Variants in NRXN3 observed in about 807,000 individuals in gnomAD.
The protein encoded by NRXN3 is neurexin 3.
Under a neutral mutation model 137.6 loss-of-function variants are expected in NRXN3, and 32 were observed. The observed-to-expected ratio is 0.23, with a 90% confidence interval of 0.18 to 0.31. The LOEUF is 0.31. Among genes scored for constraint, NRXN3 ranks in the 10% least tolerant of loss-of-function variants. The pLI, the probability that NRXN3 is intolerant of heterozygous loss-of-function variation, is 1.00. For missense variants in NRXN3, 1,574 were observed against 2,062.5 expected (o/e 0.76, Z 4.59); for synonymous variants, 798 against 784.5 (o/e 1.02, Z -0.29).
chr14:79,844,280 T>C (rs2141530115), intron 20 of NRXN3, among the ~76,000 whole-genome samples: 1 of 151,220 alleles, frequency 6.6e-6, no homozygotes, highest in East Asian at 1.9e-4. Flanking sequence ...TTAAACTTCC[T>C]CCCACCTCCT....
chr14:79,316,226 A>G (rs2088635029), intron 15 of NRXN3, among the ~76,000 whole-genome samples: 1 of 152,238 alleles, frequency 6.6e-6, no homozygotes, highest in South Asian at 2.1e-4. Context: ...GCTTGTTTCC[A>G]ACACCTTGTA....
intron 10 of NRXN3, among the ~76,000 whole-genome samples, chr14:78,926,598 T>TCA (rs1555585277): frequency 8.8e-6 from 1 of 113,850 alleles, no homozygotes; most frequent in Non-Finnish European, 1.7e-5. Flanking sequence ...AAATACAAAA[T>TCA]TATATATATA....
At chr14:79,050,195 T>G (rs190610635) in intron 15 of NRXN3, among the ~76,000 whole-genome samples, 2 of 152,220 alleles carry the variant, frequency 1.3e-5, no homozygotes, top group Admixed American at 6.5e-5. Flanking sequence ...TCCTGAGATA[T>G]CTCATGTAGA....
At chr14:79,115,641 G>T (rs563736648) in intron 15 of NRXN3, among the ~76,000 whole-genome samples, 1 of 152,156 alleles carries the variant, frequency 6.6e-6, no homozygotes, top group Non-Finnish European at 1.5e-5. Context: ...TATTCCAAGT[G>T]AAAGTAAATG....
chr14:79,813,604 CT>C (rs898864914), intron 20 of NRXN3, among the ~76,000 whole-genome samples: 8 of 152,156 alleles, frequency 5.3e-5, no homozygotes, highest in Admixed American at 1.3e-4. Flanking sequence ...AATTCCTCCC[CT>C]TTCAGCATAT....
chr14:78,438,023 T>C (rs1388950463), intron 4 of NRXN3, among the ~76,000 whole-genome samples: 1 of 151,518 alleles, frequency 6.6e-6, no homozygotes, highest in Non-Finnish European at 1.5e-5. Context: ...AGATGTGGGG[T>C]GTGGTGATGG....
intron 4 of NRXN3, among the ~76,000 whole-genome samples, chr14:78,593,238 C>A (rs1281457197): frequency 6.6e-6 from 1 of 152,182 alleles, no homozygotes. Context: ...CTATCCACCC[C>A]CTCTTCTCTA....
intron 15 of NRXN3, among the ~76,000 whole-genome samples, chr14:79,197,553 TTC>T (rs1241848775): frequency 7.0e-6 from 1 of 142,146 alleles, no homozygotes; most frequent in Non-Finnish European, 1.6e-5. Context: ...TATCTGTAAT[TTC>T]TTTTTTTTTT....
At position 78,709,655 on chromosome 14, in the gene NRXN3, G is replaced by A. The variant is rs1405492743; in HGVS notation, c.1660G>A (p.Gly554Ser). 1 of 1,607,050 alleles carries A rather than the reference G, an allele frequency of 6.2e-7. No homozygotes were observed. The highest frequency in any genetic ancestry group is 8.5e-7 in the Non-Finnish European group (1 of 1,177,170). The change falls in exon 7 of 21, where the codon GGT (glycine) becomes AGT (serine). Residue 554 changes from glycine to serine, a missense_variant and splice_region_variant. By Grantham distance (56) the Gly-to-Ser change is moderately conservative (BLOSUM62 0). Transcript: ENST00000335750. ...GGACATTCAGCGAGATGGCAGATCAGGTAGGAAGAGGCAGGATGTGTGACT... is the reference window on the plus strand; with the variant it reads ...GGACATTCAGCGAGATGGCAGATCAAGTAGGAAGAGGCAGGATGTGTGACT... ...HVDIQRDGRS[G>S]TISVNSRRTP...
At chr14:78,211,407 C>T (rs1292396117) in intron 1 of NRXN3, among the ~76,000 whole-genome samples, 1 of 152,224 alleles carries the variant, frequency 6.6e-6, no homozygotes, top group Non-Finnish European at 1.5e-5. Context: ...TTCACCCTCC[C>T]CACCACTGTG....
At chr14:78,654,352 C>A (rs1207906902) in intron 6 of NRXN3, among the ~76,000 whole-genome samples, 1 of 152,182 alleles carries the variant, frequency 6.6e-6, no homozygotes, top group African/African-American at 2.4e-5. Flanking sequence ...CCATTTGTGG[C>A]TTTAAGTTGT....
intron 16 of NRXN3, among the ~76,000 whole-genome samples, chr14:79,498,688 T>C (rs1364861653): frequency 6.6e-6 from 1 of 152,246 alleles, no homozygotes. Context: ...AATACCATGC[T>C]CCTCACTTCC....
intron 16 of NRXN3, among the ~76,000 whole-genome samples, chr14:79,597,390 A>C (rs918368556): frequency 2.6e-5 from 4 of 152,220 alleles, no homozygotes; most frequent in African/African-American, 4.8e-5. Context: ...ATTAGTTTGC[A>C]TAAGAAAATG....
chr14:79,696,973 T>C (rs2098737834), intron 18 of NRXN3, among the ~76,000 whole-genome samples: 2 of 151,892 alleles, frequency 1.3e-5, no homozygotes, highest in South Asian at 2.1e-4. Flanking sequence ...TTAATAGAGA[T>C]AGGAATTTAT....
intron 4 of NRXN3, among the ~76,000 whole-genome samples, chr14:78,331,124 T>G (rs1231073667): frequency 6.6e-6 from 1 of 152,186 alleles, no homozygotes; most frequent in Non-Finnish European, 1.5e-5. Flanking sequence ...CACAAGGATT[T>G]ACAAAGCCCA....
At chr14:78,499,327 C>A (rs192762682) in intron 4 of NRXN3, among the ~76,000 whole-genome samples, 1 of 152,148 alleles carries the variant, frequency 6.6e-6, no homozygotes, top group Non-Finnish European at 1.5e-5. Context: ...GTCTCAGGGA[C>A]TTTCTCATCA....
chr14:78,379,846 A>C (rs1159680836), intron 4 of NRXN3, among the ~76,000 whole-genome samples: 1 of 152,234 alleles, frequency 6.6e-6, no homozygotes, highest in Non-Finnish European at 1.5e-5. Flanking sequence ...AATCCCAAGA[A>C]ATCTACCATA....
chr14:79,533,226 A>G (rs1162458813), intron 16 of NRXN3, among the ~76,000 whole-genome samples: 1 of 152,188 alleles, frequency 6.6e-6, no homozygotes, highest in Non-Finnish European at 1.5e-5. Flanking sequence ...GAGCTTTCTC[A>G]TGATGCATGG....
At position 79,184,066 on chromosome 14, in the gene NRXN3, C is replaced by T. The variant is rs144424829; in HGVS notation, c.3262+195925C>T. ...ATTGCCTAGAGCTCTAACAACCTAC[C>T]CTCCACATAGAAGCTGCTCTCTGCT... On this transcript the variant is annotated intron_variant, in intron 15 of 20. Transcript: ENST00000335750. 2.0e-3 allele frequency among the ~76,000 whole-genome samples: 302 copies of T among 152,204 alleles called. 3 individuals are homozygous for T. Among genetic ancestry groups the T allele is most frequent in the South Asian group, 6.0e-3 (29 of 4,820 alleles).
Sources: allele counts gnomAD v4.1 joint callset (sites outside exome capture counted in the v4.1 genomes callset), GRCh38; gene constraint gnomAD v4.1.1; transcripts MANE v1.5; gene names NCBI Gene and HGNC (gene_info 2026-07-23, HGNC 2026-07-21).